PMEPA1: variants seen among roughly 807,000 people sequenced by gnomAD.
PMEPA1 encodes protein TMEPAI.
Under a neutral mutation model 23.0 loss-of-function variants are expected in PMEPA1, and 11 were observed. The ratio of observed to expected loss-of-function variants is 0.48; its 90% CI spans 0.30 to 0.79. The LOEUF (loss-of-function observed/expected upper bound fraction) is 0.79, where lower values mean the gene tolerates loss of function less well. PMEPA1 is among the 30% of genes least tolerant of loss of function. The probability of loss-of-function intolerance (pLI) is 0.06; values close to 1 mark genes in which losing one functional copy is unlikely to be tolerated. For synonymous variants in PMEPA1, 204 were observed against 166.4 expected (o/e 1.23, Z -1.74); for missense variants, 377 against 390.9 (o/e 0.96, Z 0.30).
chr20:57,708,806 G>A (rs2146721033), intron 1 of PMEPA1, among the ~76,000 whole-genome samples: 1 of 152,152 alleles, frequency 6.6e-6, no homozygotes, highest in Admixed American at 6.5e-5. Flanking sequence ...CAGACCCCCA[G>A]AAAGATGGAC....
chr20:57,665,376 G>A (rs374669190), intron 1 of PMEPA1, among the ~76,000 whole-genome samples: 5 of 152,160 alleles, frequency 3.3e-5, no homozygotes, highest in African/African-American at 9.7e-5. Context: ...CGCCCACGGC[G>A]TTAGTCCGCC....
chr20:57,678,814 G>A (rs546611126), intron 1 of PMEPA1, among the ~76,000 whole-genome samples: 1 of 152,306 alleles, frequency 6.6e-6, no homozygotes, highest in East Asian at 1.9e-4. Context: ...AAGAGCCAGG[G>A]GAGGGAGAGC....
chr20:57,677,757 C>CAA (rs1428070378), intron 1 of PMEPA1, among the ~76,000 whole-genome samples: 13 of 151,850 alleles, frequency 8.6e-5, no homozygotes, highest in Non-Finnish European at 1.5e-5. Flanking sequence ...CTTTTCATAG[C>CAA]AAAAACAAAC....
At chr20:57,701,117 T>C (rs1470564357) in intron 1 of PMEPA1, among the ~76,000 whole-genome samples, 2 of 151,640 alleles carry the variant, frequency 1.3e-5, no homozygotes, top group African/African-American at 4.9e-5. Flanking sequence ...TCTGACATCC[T>C]TATTAGTTTA....
intron 1 of PMEPA1, among the ~76,000 whole-genome samples, chr20:57,681,347 TG>T (rs1206323814): frequency 1.3e-5 from 2 of 152,186 alleles, no homozygotes; most frequent in Non-Finnish European, 2.9e-5. Flanking sequence ...TCACCCTGCA[TG>T]GGCCTCCTTC....
chr20:57,693,240 G>C (rs2071905720), intron 1 of PMEPA1, among the ~76,000 whole-genome samples: 1 of 152,198 alleles, frequency 6.6e-6, no homozygotes, highest in South Asian at 2.1e-4. Context: ...TAGTCAGGTA[G>C]GAGGCAGGCC....
intron 1 of PMEPA1, among the ~76,000 whole-genome samples, chr20:57,680,073 G>C (rs1428601197): frequency 2.0e-5 from 3 of 152,208 alleles, no homozygotes; most frequent in African/African-American, 7.2e-5. Context: ...GTGGCATGGA[G>C]TCTGGCTTGC....
intron 1 of PMEPA1, among the ~76,000 whole-genome samples, chr20:57,679,516 C>T (rs754697427): frequency 1.3e-5 from 2 of 152,200 alleles, no homozygotes; most frequent in South Asian, 2.1e-4. Flanking sequence ...ATGCGGGAGC[C>T]GTGTCCAACA....
At chr20:57,672,816 G>A (rs1056054674) in intron 1 of PMEPA1, among the ~76,000 whole-genome samples, 1 of 152,150 alleles carries the variant, frequency 6.6e-6, no homozygotes, top group South Asian at 2.1e-4. Context: ...GAATCCTGGC[G>A]CTGTCCTGCC....
At chr20:57,663,231 A>G (rs203374) in intron 1 of PMEPA1, among the ~76,000 whole-genome samples, 38,208 of 152,182 alleles carry the variant, frequency 0.25, 5,088 homozygotes, top group African/African-American at 0.32. Flanking sequence ...TTGGTGAGCC[A>G]AGGGCCTGGG....
At chr20:57,653,640 G>A (rs1205047971) in intron 2 of PMEPA1, among the ~76,000 whole-genome samples, 1 of 152,222 alleles carries the variant, frequency 6.6e-6, no homozygotes, top group African/African-American at 2.4e-5. Flanking sequence ...GCATGTGAAT[G>A]TGCTGGGTGT....
upstream of PMEPA1, chr20:57,710,822 A>G (rs2072171909): frequency 8.1e-6 from 2 of 248,316 alleles, no homozygotes; most frequent in South Asian, 3.3e-4. Flanking sequence ...TTCAGGTTTA[A>G]AAAGATATTA....
intron 1 of PMEPA1, among the ~76,000 whole-genome samples, chr20:57,694,054 G>C (rs1321730714): frequency 1.3e-5 from 2 of 152,216 alleles, no homozygotes; most frequent in African/African-American, 4.8e-5. Context: ...CTGGACCACA[G>C]AACTCCATCT....
chr20:57,695,526 G>A (rs573091212), intron 1 of PMEPA1, among the ~76,000 whole-genome samples: 14 of 152,330 alleles, frequency 9.2e-5, no homozygotes, highest in African/African-American at 2.2e-4. Flanking sequence ...CTGGCCCGGC[G>A]CAGCGGCTCA....
At chr20:57,685,332 G>T (rs755241043) in intron 1 of PMEPA1, among the ~76,000 whole-genome samples, 7 of 152,200 alleles carry the variant, frequency 4.6e-5, no homozygotes, top group African/African-American at 7.2e-5. Flanking sequence ...AACAGTTTAT[G>T]AGCAAGTGTT....
chr20:57,708,994 C>A (rs1358088566), intron 1 of PMEPA1, among the ~76,000 whole-genome samples: 5 of 152,132 alleles, frequency 3.3e-5, no homozygotes, highest in Admixed American at 2.0e-4. Context: ...GCACGGACAT[C>A]CACTCAGAGC....
chr20:57,694,535 T>C (rs538663387), intron 1 of PMEPA1, among the ~76,000 whole-genome samples: 1 of 152,368 alleles, frequency 6.6e-6, no homozygotes, highest in Non-Finnish European at 1.5e-5. Flanking sequence ...TATAGATTTC[T>C]TGGAACTGAC....
Position 57,683,514 on chromosome 20 carries a change from A to C in PMEPA1, c.110-23817T>G, listed in dbSNP as rs2071748909. ...AGCCCTGCATGCATTACGAACTTGC[A>C]TTACTATACTAACTCGGTGGTGGTG... is the stretch of plus-strand genomic sequence containing the variant. On this transcript the variant is annotated intron_variant, in intron 1 of 3. Coordinates refer to ENST00000341744, the MANE Select transcript of PMEPA1 (RefSeq NM_020182.5). This position sits in a 1 kb window ranked among gnomAD's most constrained non-coding sequence, Gnocchi z 4.3. Among the ~76,000 whole-genome samples, 1 of 139,794 alleles carries C rather than the reference A, an allele frequency of 7.2e-6. No individual in the cohort carries two copies. The highest frequency in any genetic ancestry group is 7.3e-5 in the Admixed American group (1 of 13,764). 91.7% of individuals were successfully genotyped at this position (139,794 alleles called of 152,430 possible). A position where few individuals can be genotyped will look rare whatever the true frequency, so the allele number is the denominator to read the frequency against.
At chr20:57,659,912 G>C (rs62204302) in intron 1 of PMEPA1, among the ~76,000 whole-genome samples, 3,909 of 152,356 alleles carry the variant, frequency 0.026, 58 homozygotes, top group South Asian at 0.034. Flanking sequence ...AGGGGGTACT[G>C]CTGGCTGGGA....
Sources: allele counts gnomAD v4.1 joint callset (sites outside exome capture counted in the v4.1 genomes callset), GRCh38; gene constraint gnomAD v4.1.1; non-coding constraint Gnocchi (gnomAD v3.1); transcripts MANE v1.5; gene names NCBI Gene and HGNC (gene_info 2026-07-23, HGNC 2026-07-21).